AGFG1: variants seen among roughly 807,000 people sequenced by gnomAD.
AGFG1 encodes arf-GAP domain and FG repeat-containing protein 1.
In AGFG1, 10 loss-of-function variants were observed where a neutral mutation model predicts 60.6. The ratio of observed to expected loss-of-function variants is 0.16; its 90% CI spans 0.10 to 0.28. The LOEUF (loss-of-function observed/expected upper bound fraction) is 0.28. Ranked by LOEUF, AGFG1 falls within the 10% of genes least tolerant of loss-of-function variation. AGFG1 has a pLI of 1.00. For missense variants in AGFG1, 537 were observed against 676.5 expected (o/e 0.79, Z 2.29); for synonymous variants, 247 against 242.9 (o/e 1.02, Z -0.16).
rs745570416 is a variant in AGFG1, at chr2:227,484,688, G to GTTTTTTTTTTTT, written c.168-6837_168-6826dup. Among the ~76,000 whole-genome samples, 20 of 25,110 alleles carry GTTTTTTTTTTTT rather than the reference G, an allele frequency of 8.0e-4. 1 individual carries two copies. Among genetic ancestry groups the GTTTTTTTTTTTT allele is most frequent in the African/African-American group, 2.2e-3 (20 of 8,948 alleles). The allele number at this position is 25,110 out of a possible 152,430, so 16.5% of individuals were successfully genotyped here. A position where few individuals can be genotyped will look rare whatever the true frequency, so the allele number is the denominator to read the frequency against. ...ATGAAGATCTCTTAGTTTTTTTTTTGTTTTTTTTTTTTTTTTTTTTTTTTT... is the reference window on the plus strand; with the variant it reads ...ATGAAGATCTCTTAGTTTTTTTTTTGTTTTTTTTTTTTTTTTTTTTTTTTTTTTTTTTTTTTT... On this transcript the variant is annotated intron_variant, in intron 1 of 12. Transcript: ENST00000310078.
intron 5 of AGFG1, among the ~76,000 whole-genome samples, chr2:227,529,029 A>G (rs1418440159): frequency 6.6e-6 from 1 of 152,126 alleles, no homozygotes; most frequent in Non-Finnish European, 1.5e-5. Context: ...CTTAATTACA[A>G]ATGACTGCTC....
In AGFG1 at chr2:227,558,536, T is replaced by C. The variant is rs577297911; in HGVS notation, c.*4041T>C. On this transcript the variant is annotated 3_prime_UTR_variant, in exon 13 of 13. Coordinates refer to ENST00000310078, the MANE Select transcript of AGFG1 (RefSeq NM_004504.5). Reference sequence around the variant, plus strand: ...GATACAGTTTGTGGCCTATACACTTTTAAAATTTATTTTTTAAAAGGTGAT... The same window carrying C: ...GATACAGTTTGTGGCCTATACACTTCTAAAATTTATTTTTTAAAAGGTGAT... The C allele has an allele frequency of 9.8e-5, 15 of 152,306 alleles. No individual in the cohort carries two copies. The East Asian group carries it at 2.5e-3, about 25-fold the overall frequency. The allele number at this position is 152,306 out of a possible 1,614,324, so 9.4% of individuals were successfully genotyped here.
intron 12 of AGFG1, 64 bp downstream of exon 12, chr2:227,553,859 G>A (rs1441331390): frequency 8.2e-7 from 1 of 1,224,360 alleles, no homozygotes; most frequent in African/African-American, 1.5e-5. Context: ...ATTAGGAATA[G>A]CAGGATGTTA....
At chr2:227,492,549 A>G (rs1187737899) in intron 2 of AGFG1, among the ~76,000 whole-genome samples, 1 of 151,982 alleles carries the variant, frequency 6.6e-6, no homozygotes, top group African/African-American at 2.4e-5. Flanking sequence ...AGCATTTTAC[A>G]CTCTGCCTTT....
At chr2:227,488,683 A>G (rs1690709639) in intron 1 of AGFG1, among the ~76,000 whole-genome samples, 1 of 152,262 alleles carries the variant, frequency 6.6e-6, no homozygotes, top group South Asian at 2.1e-4. Flanking sequence ...AATGTATTTT[A>G]TCATAAATGA....
At chr2:227,528,924 A>C (rs1171165102) in intron 5 of AGFG1, among the ~76,000 whole-genome samples, 1 of 152,224 alleles carries the variant, frequency 6.6e-6, no homozygotes, top group Non-Finnish European at 1.5e-5. Context: ...GGTTAATCTT[A>C]ACTGTTTTGT....
At chr2:227,486,321 G>T (rs1038827330) in intron 1 of AGFG1, among the ~76,000 whole-genome samples, 1 of 152,180 alleles carries the variant, frequency 6.6e-6, no homozygotes, top group Non-Finnish European at 1.5e-5. Context: ...GTTAATAGTC[G>T]TAGGGTTTTC....
chr2:227,473,444 C>G (rs1336176941), intron 1 of AGFG1, among the ~76,000 whole-genome samples: 1 of 152,130 alleles, frequency 6.6e-6, no homozygotes, highest in Non-Finnish European at 1.5e-5. Context: ...CCCGAGTGCC[C>G]TGGCTGTACA....
intron 1 of AGFG1, among the ~76,000 whole-genome samples, chr2:227,485,407 T>C (rs1307054299): frequency 6.7e-6 from 1 of 150,308 alleles, no homozygotes; most frequent in African/African-American, 2.4e-5. Context: ...CAGCTAATTT[T>C]TTTTTTTTTT....
At chr2:227,506,853 A>T (rs899547330) in intron 2 of AGFG1, among the ~76,000 whole-genome samples, 1 of 152,120 alleles carries the variant, frequency 6.6e-6, no homozygotes, top group Non-Finnish European at 1.5e-5. Context: ...GGATTTTGCT[A>T]ATGCCATCCA....
chr2:227,480,358 T>C (rs1386347263), intron 1 of AGFG1, among the ~76,000 whole-genome samples: 1 of 152,130 alleles, frequency 6.6e-6, no homozygotes, highest in Non-Finnish European at 1.5e-5. Flanking sequence ...TTCCTTGTAA[T>C]TGTCAGATTC....
chr2:227,556,613 A>C lies in AGFG1; in HGVS notation c.*2118A>C, dbSNP rs776590568. ...TACCTAATTACAGACCATTACCCAA[A>C]TATCCTACCAGGCTTTCCATCTGAA... On this transcript the variant is annotated 3_prime_UTR_variant, in exon 13 of 13. Transcript: ENST00000310078. The C allele has an allele frequency of 6.6e-6, 1 of 152,636 alleles. No individual in the cohort carries two copies. Among genetic ancestry groups the C allele is most frequent in the Non-Finnish European group, 1.5e-5 (1 of 68,040 alleles). 9.5% of individuals were successfully genotyped at this position (152,636 alleles called of 1,614,324 possible).
At chr2:227,552,498 TGTGTGAAATAG>T (rs1188241905) in intron 11 of AGFG1, among the ~76,000 whole-genome samples, 6 of 152,128 alleles carry the variant, frequency 3.9e-5, no homozygotes, top group African/African-American at 1.2e-4. Flanking sequence ...TACCTTTTTG[TGTGTGAAATAG>T]ACTACTTTTC....
rs754162369 is a variant in AGFG1, at chr2:227,557,246, T to A, written c.*2751T>A. On this transcript the variant is annotated 3_prime_UTR_variant, in exon 13 of 13. Coordinates refer to ENST00000310078, the MANE Select transcript of AGFG1 (RefSeq NM_004504.5). ...AAACTTTTGACATAGTTTAAAGACA[T>A]TTTTTCCCCATTTTTTGAAATAGAG... is the stretch of plus-strand genomic sequence containing the variant. 14 of 152,198 alleles carry A rather than the reference T, an allele frequency of 9.2e-5. No homozygotes were observed. Among genetic ancestry groups the A allele is most frequent in the Non-Finnish European group, 1.9e-4 (13 of 68,042 alleles). 9.4% of individuals were successfully genotyped at this position (152,198 alleles called of 1,614,324 possible).
intron 6 of AGFG1, 58 bp from the exon 7 acceptor site, chr2:227,533,491 A>G (rs1692220474): frequency 5.0e-6 from 7 of 1,408,012 alleles, no homozygotes; most frequent in South Asian, 1.2e-5. Flanking sequence ...CATACAGTCT[A>G]TGAGAGGGTA....
intron 2 of AGFG1, among the ~76,000 whole-genome samples, chr2:227,518,419 C>T (rs1244104147): frequency 2.0e-5 from 3 of 151,976 alleles, no homozygotes; most frequent in African/African-American, 4.8e-5. Flanking sequence ...TAAAGAATTC[C>T]GGTTGTTCCA....
intron 2 of AGFG1, among the ~76,000 whole-genome samples, chr2:227,511,718 T>C (rs1425309556): frequency 6.6e-6 from 1 of 152,234 alleles, no homozygotes; most frequent in East Asian, 1.9e-4. Context: ...CACCAGGTAT[T>C]AAGTGCTTAC....
chr2:227,553,620 C>T, intron 11 of AGFG1, 84 bp from the exon 12 acceptor site: 4 of 1,121,764 alleles, frequency 3.6e-6, no homozygotes, highest in East Asian at 2.4e-5. Flanking sequence ...GTAGGAATGT[C>T]TCTGAAAGTT....
At chr2:227,526,215 T>G (rs375684170) in intron 5 of AGFG1, among the ~76,000 whole-genome samples, 35 of 152,124 alleles carry the variant, frequency 2.3e-4, no homozygotes, top group Middle Eastern at 6.3e-3. Context: ...ATTCATTTAT[T>G]TGAGGTGGAG....
Sources: gnomAD v4.1 joint callset for allele counts (sites outside exome capture counted in the v4.1 genomes callset) on GRCh38, gnomAD v4.1.1 for gene constraint, MANE v1.5 for transcripts, NCBI Gene and HGNC (gene_info 2026-07-23, HGNC 2026-07-21) for gene names.